Variants in METTL24 observed in about 807,000 individuals in gnomAD.
METTL24 encodes probable methyltransferase-like protein 24.
Under a neutral mutation model 32.7 loss-of-function variants are expected in METTL24, and 29 were observed. That is an observed-to-expected ratio of 0.89 (90% CI 0.66 to 1.21). The LOEUF (loss-of-function observed/expected upper bound fraction) is 1.21. Among genes scored for constraint, METTL24 ranks in the 50% most tolerant of loss-of-function variants. The pLI is 0.00. For synonymous variants in METTL24, 163 were observed against 179.5 expected (o/e 0.91, Z 0.73); for missense variants, 439 against 468.1 (o/e 0.94, Z 0.57).
intron 2 of METTL24, among the ~76,000 whole-genome samples, chr6:110,318,651 C>CAAAAAAA (rs56890760): frequency 9.9e-5 from 9 of 90,544 alleles, no homozygotes; most frequent in East Asian, 3.1e-4. Context: ...GACTCTACCT[C>CAAAAAAA]AAAAAAAAAA....
intron 4 of METTL24, among the ~76,000 whole-genome samples, chr6:110,293,197 T>C (rs903888491): frequency 6.6e-6 from 1 of 152,034 alleles, no homozygotes; most frequent in Non-Finnish European, 1.5e-5. Context: ...GGTTAATCAT[T>C]ATGATGGTGA....
chr6:110,263,423 G>C (rs1770788608), intron 4 of METTL24, among the ~76,000 whole-genome samples: 1 of 152,116 alleles, frequency 6.6e-6, no homozygotes, highest in African/African-American at 2.4e-5. Context: ...AGGATGCGAA[G>C]GACCTCTTCA....
intron 1 of METTL24, among the ~76,000 whole-genome samples, chr6:110,328,507 T>C (rs1220367043): frequency 6.6e-6 from 1 of 152,194 alleles, no homozygotes; most frequent in Non-Finnish European, 1.5e-5. Context: ...ATTCAGTGCA[T>C]GGAGATAATG....
intron 3 of METTL24, among the ~76,000 whole-genome samples, chr6:110,301,062 C>T (rs1771508578): frequency 6.6e-6 from 1 of 152,112 alleles, no homozygotes. Flanking sequence ...TGATTATAGT[C>T]TTATTTGCCT....
chr6:110,248,362 G>A (rs894214517), intron 4 of METTL24, among the ~76,000 whole-genome samples: 1 of 152,166 alleles, frequency 6.6e-6, no homozygotes, highest in Non-Finnish European at 1.5e-5. Flanking sequence ...ACAAGAAAAT[G>A]GGCTCTGTCC....
intron 4 of METTL24, among the ~76,000 whole-genome samples, chr6:110,283,530 G>A (rs966294534): frequency 2.0e-5 from 3 of 152,174 alleles, no homozygotes; most frequent in African/African-American, 7.2e-5. Context: ...ATGACCAAGG[G>A]TCTGGATGGC....
At chr6:110,262,623 C>T (rs1770757488) in intron 4 of METTL24, among the ~76,000 whole-genome samples, 1 of 152,164 alleles carries the variant, frequency 6.6e-6, no homozygotes, top group Admixed American at 6.5e-5. Flanking sequence ...TTTTATGAGG[C>T]CAGCATCATC....
At chr6:110,275,302 C>G (rs1036297808) in intron 4 of METTL24, among the ~76,000 whole-genome samples, 2 of 152,094 alleles carry the variant, frequency 1.3e-5, no homozygotes, top group Non-Finnish European at 2.9e-5. Flanking sequence ...CCCAACCCCC[C>G]TTTCTTGCCT....
chr6:110,333,191 C>T (rs1772139946), intron 1 of METTL24, among the ~76,000 whole-genome samples: 1 of 152,164 alleles, frequency 6.6e-6, no homozygotes, highest in African/African-American at 2.4e-5. Context: ...CAAACATTTA[C>T]CAGCCCTGAG....
intron 3 of METTL24, among the ~76,000 whole-genome samples, chr6:110,300,468 C>T (rs1262643374): frequency 3.3e-5 from 5 of 149,514 alleles, no homozygotes; most frequent in African/African-American, 7.5e-5. Context: ...TCACCCAGGC[C>T]GGAGCATAGT....
At chr6:110,265,596 C>T (rs1343486543) in intron 4 of METTL24, among the ~76,000 whole-genome samples, 2 of 152,110 alleles carry the variant, frequency 1.3e-5, no homozygotes, top group Non-Finnish European at 2.9e-5. Context: ...TAGAAAGTTT[C>T]CTTAAAGGAA....
chr6:110,267,501 C>A (rs1007381721), intron 4 of METTL24, among the ~76,000 whole-genome samples: 5 of 152,154 alleles, frequency 3.3e-5, no homozygotes, highest in African/African-American at 1.2e-4. Context: ...AATTTACTTG[C>A]AGAAATAATC....
chr6:110,246,154 T>C lies in METTL24; in HGVS notation c.893A>G (p.His298Arg). Residue 298 changes from histidine to arginine, a missense_variant, in exon 5 of 5, where the codon CAT (histidine) becomes CGT (arginine). Physicochemically the swap from His to Arg is conservative, Grantham distance 29. Coordinates refer to ENST00000338882, the MANE Select transcript of METTL24 (RefSeq NM_001123364.3). The stretch of plus-strand genomic sequence containing the variant: ...GACCTCAAACCCAGGCCAGTGGAGA[T>C]GGATCTCAAAGATGAGCTGTCCAAT... The part of the protein sequence containing the change: ...EQIGQLIFEI[H>R]LHWPGFEVSG... 6.2e-7 allele frequency: 1 copy of C among 1,614,204 alleles called. No individual in the cohort carries two copies. Among genetic ancestry groups the C allele is most frequent in the Non-Finnish European group, 8.5e-7 (1 of 1,180,030 alleles).
intron 1 of METTL24, among the ~76,000 whole-genome samples, chr6:110,324,893 C>T (rs1771991342): frequency 6.6e-6 from 1 of 152,148 alleles, no homozygotes; most frequent in South Asian, 2.1e-4. Context: ...CCAGGCTCTC[C>T]CAAGAGGCAC....
intron 4 of METTL24, among the ~76,000 whole-genome samples, chr6:110,260,678 T>C (rs983287405): frequency 6.6e-6 from 1 of 151,854 alleles, no homozygotes; most frequent in African/African-American, 2.4e-5. Flanking sequence ...TTCACCAAAG[T>C]TGAAATGAAG....
intron 4 of METTL24, among the ~76,000 whole-genome samples, chr6:110,257,973 G>T (rs1258561476): frequency 1.3e-5 from 2 of 152,198 alleles, no homozygotes; most frequent in Non-Finnish European, 2.9e-5. Context: ...TAAGAACAGT[G>T]TGGTGGCTGG....
At chr6:110,268,193 CA>C (rs1770893375) in intron 4 of METTL24, among the ~76,000 whole-genome samples, 1 of 151,986 alleles carries the variant, frequency 6.6e-6, no homozygotes, top group Non-Finnish European at 1.5e-5. Context: ...AACTGAGGCC[CA>C]AAAAGGTCAT....
intron 4 of METTL24, among the ~76,000 whole-genome samples, chr6:110,297,645 A>C (rs1407873887): frequency 1.3e-5 from 2 of 152,198 alleles, no homozygotes; most frequent in Non-Finnish European, 2.9e-5. Flanking sequence ...AACGAGTGGC[A>C]AAAAAGAAAA....
At chr6:110,257,472 G>C (rs1325906283) in intron 4 of METTL24, among the ~76,000 whole-genome samples, 1 of 152,104 alleles carries the variant, frequency 6.6e-6, no homozygotes, top group African/African-American at 2.4e-5. Flanking sequence ...TATATGGCTA[G>C]TGGCTACCAT....
Sources: gnomAD v4.1 joint callset for allele counts (sites outside exome capture counted in the v4.1 genomes callset) on GRCh38, gnomAD v4.1.1 for gene constraint, MANE v1.5 for transcripts, NCBI Gene and HGNC (gene_info 2026-07-23, HGNC 2026-07-21) for gene names.